Variants in CA10 observed in about 807,000 individuals in gnomAD.
CA10 encodes carbonic anhydrase 10 (inactive), also known as carbonic anhydrase-related protein 10.
Under a neutral mutation model 44.2 loss-of-function variants are expected in CA10, and 14 were observed. The observed-to-expected ratio is 0.32, with a 90% CI of 0.21 to 0.50. The LOEUF (loss-of-function observed/expected upper bound fraction) is 0.50. Ranked by LOEUF, CA10 falls within the 20% of genes least tolerant of loss-of-function variation. CA10 has a pLI of 0.99. For synonymous variants in CA10, 159 were observed against 141.6 expected (o/e 1.12, Z -0.87); for missense variants, 350 against 409.7 (o/e 0.85, Z 1.26).
At chr17:51,961,425 A>C (rs1159869049) in intron 2 of CA10, among the ~76,000 whole-genome samples, 1 of 149,486 alleles carries the variant, frequency 6.7e-6, no homozygotes, top group Non-Finnish European at 1.5e-5. Flanking sequence ...ATTAAGCCAA[A>C]ACCAAGCAAA....
chr17:51,654,907 C>T (rs951661301), intron 4 of CA10, among the ~76,000 whole-genome samples: 2 of 147,104 alleles, frequency 1.4e-5, no homozygotes, highest in African/African-American at 2.7e-5. Context: ...AACGTGATGC[C>T]CCCCCCACCA....
intron 3 of CA10, among the ~76,000 whole-genome samples, chr17:51,788,479 C>T (rs1426376433): frequency 6.6e-6 from 1 of 152,170 alleles, no homozygotes; most frequent in African/African-American, 2.4e-5. Flanking sequence ...CTGTGCCTAG[C>T]TTATTTCATT....
intron 4 of CA10, among the ~76,000 whole-genome samples, chr17:51,725,298 C>G (rs1344012650): frequency 6.6e-6 from 1 of 152,188 alleles, no homozygotes; most frequent in Non-Finnish European, 1.5e-5. Flanking sequence ...TGAGAAAGGA[C>G]CAGTAAGTTG....
chr17:51,906,911 T>C (rs1306843421), intron 3 of CA10, among the ~76,000 whole-genome samples: 1 of 152,172 alleles, frequency 6.6e-6, no homozygotes, highest in East Asian at 1.9e-4. Context: ...CAACCATGTC[T>C]TATGTCTCTT....
intron 2 of CA10, among the ~76,000 whole-genome samples, chr17:52,008,588 A>C (rs1036642013): frequency 2.0e-5 from 3 of 151,848 alleles, no homozygotes; most frequent in African/African-American, 7.2e-5. Flanking sequence ...AATCAGAAGA[A>C]GGGCAATGTC....
At chr17:51,822,445 C>CA (rs566115385) in intron 3 of CA10, among the ~76,000 whole-genome samples, 16 of 149,558 alleles carry the variant, frequency 1.1e-4, no homozygotes, top group Admixed American at 7.9e-4. Flanking sequence ...AAAACAAAAA[C>CA]AAAAAAACAA....
chr17:51,867,669 C>T (rs1410804662), intron 3 of CA10, among the ~76,000 whole-genome samples: 1 of 152,180 alleles, frequency 6.6e-6, no homozygotes, highest in East Asian at 1.9e-4. Context: ...ACCAGCAATT[C>T]CAGTTCCTGG....
chr17:51,682,782 C>T lies in CA10; in HGVS notation c.466-29046G>A, dbSNP rs538976692. ...TAAGGAAATGGAAAGACGGAACACG[C>T]CCTGATAAACGTGGGGCAAAGAAGG... On this transcript the variant is annotated intron_variant, in intron 4 of 8. Transcript: ENST00000451037. Among the ~76,000 whole-genome samples the T allele has an allele frequency of 1.3e-4, 18 of 141,740 alleles. No individual in the cohort carries two copies. In the East Asian group the frequency reaches 3.7e-3, roughly 30 times the overall value. 93.0% of individuals were successfully genotyped at this position (141,740 alleles called of 152,430 possible).
chr17:51,954,666 G>C (rs1983601659), intron 2 of CA10, among the ~76,000 whole-genome samples: 1 of 152,176 alleles, frequency 6.6e-6, no homozygotes, highest in Admixed American at 6.5e-5. Flanking sequence ...CTGGAATAAA[G>C]TCCTGATCAG....
At chr17:51,727,557 C>T (rs1053769042) in intron 4 of CA10, among the ~76,000 whole-genome samples, 1 of 152,170 alleles carries the variant, frequency 6.6e-6, no homozygotes, top group African/African-American at 2.4e-5. Flanking sequence ...TCACTTTTTA[C>T]AGCTATGCCT....
intron 3 of CA10, among the ~76,000 whole-genome samples, chr17:51,773,595 C>T (rs371087872): frequency 1.2e-4 from 19 of 152,314 alleles, no homozygotes; most frequent in African/African-American, 2.6e-4. Context: ...AGTGTGACCA[C>T]GGGAAAACTG....
intron 3 of CA10, among the ~76,000 whole-genome samples, chr17:51,876,156 TCTC>T: frequency 7.1e-6 from 1 of 140,778 alleles, no homozygotes; most frequent in African/African-American, 2.7e-5. Context: ...TTATTTCTTC[TCTC>T]GTTTTTTTTT....
At chr17:52,059,482 C>T (rs765651592) in intron 2 of CA10, among the ~76,000 whole-genome samples, 5 of 151,910 alleles carry the variant, frequency 3.3e-5, no homozygotes, top group African/African-American at 4.8e-5. Flanking sequence ...ACAAAAAGTC[C>T]GGGGGCACAA....
At chr17:51,805,048 G>A (rs1428081157) in intron 3 of CA10, among the ~76,000 whole-genome samples, 6 of 152,156 alleles carry the variant, frequency 3.9e-5, no homozygotes, top group African/African-American at 1.4e-4. Context: ...ACATTGCCTT[G>A]CAGGGTTATG....
chr17:51,967,780 C>T lies in CA10; in HGVS notation c.137-36648G>A, dbSNP rs554306324. On this transcript the variant is annotated intron_variant, in intron 2 of 8. Transcript: ENST00000451037. Reference sequence around the variant, plus strand: ...ATTTACATTCTGAACATCAGCATCACGAAGTATACCCATGTAATGAAACTG... The same window carrying T: ...ATTTACATTCTGAACATCAGCATCATGAAGTATACCCATGTAATGAAACTG... Among the ~76,000 whole-genome samples, 8 of 151,494 alleles carry T rather than the reference C, an allele frequency of 5.3e-5. No individual in the cohort carries two copies. In the South Asian group the frequency reaches 8.3e-4, roughly 16 times the overall value.
At chr17:51,906,036 AC>A in intron 3 of CA10, among the ~76,000 whole-genome samples, 1 of 152,080 alleles carries the variant, frequency 6.6e-6, no homozygotes, top group Non-Finnish European at 1.5e-5. Flanking sequence ...GTGGAGGAGG[AC>A]TTGACACCTA....
chr17:52,074,237 A>C (rs991383294), intron 1 of CA10, among the ~76,000 whole-genome samples: 1 of 152,196 alleles, frequency 6.6e-6, no homozygotes. Context: ...ACCTACTAAA[A>C]AACAACAACA....
At chr17:51,991,957 T>G (rs1985056428) in intron 2 of CA10, among the ~76,000 whole-genome samples, 1 of 152,128 alleles carries the variant, frequency 6.6e-6, no homozygotes, top group Non-Finnish European at 1.5e-5. Context: ...TTCACTTAAC[T>G]GCAAATTGGG....
intron 3 of CA10, among the ~76,000 whole-genome samples, chr17:51,872,813 G>T (rs1358553539): frequency 6.6e-6 from 1 of 152,184 alleles, no homozygotes; most frequent in Non-Finnish European, 1.5e-5. Flanking sequence ...CTTATTTCCA[G>T]GGAGCTTATT....
Sources: gnomAD v4.1 joint callset for allele counts (sites outside exome capture counted in the v4.1 genomes callset) on GRCh38, gnomAD v4.1.1 for gene constraint, MANE v1.5 for transcripts, NCBI Gene and HGNC (gene_info 2026-07-23, HGNC 2026-07-21) for gene names.